SHISA9: variants seen among roughly 807,000 people sequenced by gnomAD.
SHISA9 encodes the protein shisa family member 9.
Under a neutral mutation model 38.0 loss-of-function variants are expected in SHISA9, and 13 were observed. The ratio of observed to expected loss-of-function variants is 0.34; its 90% confidence interval spans 0.22 to 0.54. The LOEUF is 0.54. Ranked by LOEUF, SHISA9 falls within the 20% of genes least tolerant of loss-of-function variation. The pLI is 0.91. For missense variants in SHISA9, 538 were observed against 575.8 expected, an observed-to-expected ratio of 0.93 and a Z score of 0.67; for synonymous variants, 275 against 242.0, an observed-to-expected ratio of 1.14 and a Z score of -1.27.
chr16:13,085,297 T>A (rs765573362), intron 2 of SHISA9, among the ~76,000 whole-genome samples: 1 of 151,592 alleles, frequency 6.6e-6, no homozygotes, highest in Non-Finnish European at 1.5e-5. Context: ...GAAAGAAAGA[T>A]AAATAATTAT....
chr16:13,143,114 C>A (rs1358043236), intron 2 of SHISA9, among the ~76,000 whole-genome samples: 1 of 151,890 alleles, frequency 6.6e-6, no homozygotes, highest in African/African-American at 2.4e-5. Context: ...TCAAGCAATT[C>A]TCCTGCCTCA....
the SHISA9 span, among the ~76,000 whole-genome samples, chr16:13,341,499 AAC>A: frequency 6.6e-6 from 1 of 152,192 alleles, no homozygotes; most frequent in Non-Finnish European, 1.5e-5. Context: ...GAGGACAAAT[AAC>A]AGAGGCAATG....
At chr16:13,532,879 G>A in the SHISA9 span, among the ~76,000 whole-genome samples, 60 of 151,868 alleles carry the variant, frequency 4.0e-4, no homozygotes, top group African/African-American at 1.3e-3. Context: ...TTCCATCCTC[G>A]TGAGTCTAAT....
At chr16:13,084,788 A>G (rs1405390436) in intron 2 of SHISA9, among the ~76,000 whole-genome samples, 1 of 152,098 alleles carries the variant, frequency 6.6e-6, no homozygotes, top group Non-Finnish European at 1.5e-5. Context: ...TAAACAACAA[A>G]TGGAGATATA....
intron 2 of SHISA9, among the ~76,000 whole-genome samples, chr16:12,947,303 C>T (rs1399691375): frequency 6.6e-6 from 1 of 152,196 alleles, no homozygotes; most frequent in Non-Finnish European, 1.5e-5. Context: ...ATGTGGCTAT[C>T]TGGGACAGTA....
At chr16:13,186,165 G>A (rs2050819974) in intron 2 of SHISA9, among the ~76,000 whole-genome samples, 2 of 151,696 alleles carry the variant, frequency 1.3e-5, no homozygotes, top group Admixed American at 6.6e-5. Context: ...ATACAATAAT[G>A]CCTGGTTTAT....
the SHISA9 span, among the ~76,000 whole-genome samples, chr16:13,517,011 C>T: frequency 2.0e-5 from 3 of 151,972 alleles, no homozygotes; most frequent in Non-Finnish European, 4.4e-5. Flanking sequence ...TGATGTTATC[C>T]CCCACATAGT....
the SHISA9 span, among the ~76,000 whole-genome samples, chr16:13,254,833 A>G: frequency 7.4e-4 from 113 of 152,350 alleles, no homozygotes; most frequent in African/African-American, 2.5e-3. Context: ...GTTAAGTGCC[A>G]GGAGCCTTGT....
At chr16:12,972,069 G>GTGTGTGTGTGTT (rs2072091837) in intron 2 of SHISA9, among the ~76,000 whole-genome samples, 1 of 151,566 alleles carries the variant, frequency 6.6e-6, no homozygotes, top group Admixed American at 6.6e-5. Context: ...GTGTGTGTGT[G>GTGTGTGTGTGTT]TGTGTGTGTG....
chr16:13,387,488 A>ATT, the SHISA9 span, among the ~76,000 whole-genome samples: 5 of 143,488 alleles, frequency 3.5e-5, no homozygotes, highest in Non-Finnish European at 4.6e-5. Flanking sequence ...CCCCTAGAGG[A>ATT]TTTTTTTTTT....
the SHISA9 span, among the ~76,000 whole-genome samples, chr16:13,517,302 C>T: frequency 6.6e-6 from 1 of 152,178 alleles, no homozygotes; most frequent in Non-Finnish European, 1.5e-5. Flanking sequence ...CTGAAGATAC[C>T]TTGATTTCAG....
intron 2 of SHISA9, among the ~76,000 whole-genome samples, chr16:13,033,686 T>C (rs912018974): frequency 2.6e-5 from 4 of 152,126 alleles, no homozygotes; most frequent in Non-Finnish European, 4.4e-5. Context: ...TGTCCTTGGG[T>C]TGGGAGACCA....
intron 2 of SHISA9, among the ~76,000 whole-genome samples, chr16:12,946,092 T>C (rs957176308): frequency 6.6e-6 from 1 of 152,200 alleles, no homozygotes; most frequent in Non-Finnish European, 1.5e-5. Flanking sequence ...ATTTATTGAA[T>C]AGTACATCCT....
At chr16:13,202,681 A>G (rs879331532) in intron 2 of SHISA9, among the ~76,000 whole-genome samples, 1 of 152,138 alleles carries the variant, frequency 6.6e-6, no homozygotes, top group African/African-American at 2.4e-5. Context: ...TGTACATCAT[A>G]TGTATTATAA....
the SHISA9 span, among the ~76,000 whole-genome samples, chr16:13,431,740 A>T: frequency 6.6e-6 from 1 of 152,116 alleles, no homozygotes; most frequent in Non-Finnish European, 1.5e-5. Flanking sequence ...GAGAATTAAG[A>T]CCTGTAAGAA....
At chr16:13,057,694 G>A (rs2073326453) in intron 2 of SHISA9, among the ~76,000 whole-genome samples, 1 of 152,138 alleles carries the variant, frequency 6.6e-6, no homozygotes, top group Non-Finnish European at 1.5e-5. Flanking sequence ...TGCAGAATGT[G>A]CAGGTTTGTT....
chr16:13,413,233 G>C, the SHISA9 span, among the ~76,000 whole-genome samples: 6 of 152,172 alleles, frequency 3.9e-5, no homozygotes, highest in Non-Finnish European at 1.5e-5. Flanking sequence ...AAAATTCTAT[G>C]ATCAAATATC....
chr16:13,494,765 G>A, the SHISA9 span, among the ~76,000 whole-genome samples: 6 of 152,048 alleles, frequency 3.9e-5, no homozygotes, highest in Middle Eastern at 3.2e-3. Context: ...ATTTTAAAAG[G>A]GGGATTTAAA....
At chr16:13,180,424 C>T (rs937302673) in intron 2 of SHISA9, among the ~76,000 whole-genome samples, 3 of 152,150 alleles carry the variant, frequency 2.0e-5, no homozygotes, top group African/African-American at 7.2e-5. Flanking sequence ...ATCAGCCAGG[C>T]ACCGTGGCTC....
Sources: gnomAD v4.1 joint callset for allele counts (sites outside exome capture counted in the v4.1 genomes callset) on GRCh38, gnomAD v4.1.1 for gene constraint, MANE v1.5 for transcripts, NCBI Gene and HGNC (gene_info 2026-07-23, HGNC 2026-07-21) for gene names.